The following SUSD4 variants were observed in gnomAD, a reference collection of about 807,000 sequenced individuals.
The protein encoded by SUSD4 is sushi domain containing 4.
In SUSD4, 41 loss-of-function variants were observed where a neutral mutation model predicts 50.5. The ratio of observed to expected loss-of-function variants is 0.81; its 90% confidence interval spans 0.63 to 1.05. SUSD4 has a LOEUF of 1.05. Ranked by LOEUF, SUSD4 falls within the 50% of genes least tolerant of loss-of-function variation. The pLI is 0.00. For missense variants in SUSD4, 580 were observed against 634.7 expected (o/e 0.91, Z 0.93); for synonymous variants, 257 against 257.3 (o/e 1.00, Z 0.01).
In SUSD4 at chr1:223,344,278, A is replaced by T. The variant is rs1316423749; in HGVS notation, c.148+19000T>A. Among the ~76,000 whole-genome samples the T allele has an allele frequency of 2.0e-5, 3 of 152,314 alleles. No individual in the cohort carries two copies. In the East Asian group the frequency reaches 5.8e-4, roughly 29 times the overall value. Reference sequence around the variant, plus strand: ...GTGTTTGGCATACATGGTGTACAAGATAAGCAAGATCTAGGGAGGCAACAT... The same window carrying T: ...GTGTTTGGCATACATGGTGTACAAGTTAAGCAAGATCTAGGGAGGCAACAT... On this transcript the variant is annotated intron_variant, in intron 2 of 8. Coordinates refer to ENST00000366878, the MANE Select transcript of SUSD4 (RefSeq NM_017982.4).
At position 223,229,332 on chromosome 1, in the gene SUSD4, A is replaced by G; in HGVS notation, c.781T>C (p.Cys261Arg). ...ACAGTTCCGTGGTTGTAGCGCTCAC[A>G]AGGCCGCGGGTGGCAGACGAAATCT... ...HGDFVCHPRP[C>R]ERYNHGTVVE... The change falls in exon 6 of 9, where the codon TGT becomes CGT. Residue 261 changes from cysteine to arginine, a missense_variant. Cys to Arg is a radical substitution (Grantham distance 180). Transcript: ENST00000366878. The surrounding 1 kb of genome is among the most constrained non-coding windows in gnomAD (Gnocchi z 4.7). 1 of 1,609,758 alleles carries G rather than the reference A, an allele frequency of 6.2e-7. No individual in the cohort carries two copies. Among genetic ancestry groups the G allele is most frequent in the South Asian group, 1.1e-5 (1 of 90,950 alleles).
intron 2 of SUSD4, among the ~76,000 whole-genome samples, chr1:223,301,761 T>G (rs1233149823): frequency 6.6e-6 from 1 of 152,104 alleles, no homozygotes; most frequent in Non-Finnish European, 1.5e-5. Context: ...AAAGACAAAG[T>G]TTAGTCATCT....
At chr1:223,234,703 C>T (rs772339936) in intron 5 of SUSD4, among the ~76,000 whole-genome samples, 8 of 152,080 alleles carry the variant, frequency 5.3e-5, no homozygotes, top group Non-Finnish European at 1.0e-4. Flanking sequence ...TGGCTTCACC[C>T]GACGGACACC....
upstream of SUSD4, among the ~76,000 whole-genome samples, chr1:223,364,386 G>T (rs1236738794): frequency 6.8e-6 from 1 of 147,548 alleles, no homozygotes; most frequent in African/African-American, 2.4e-5. The surrounding 1 kb of genome is among the most constrained non-coding windows in gnomAD (Gnocchi z 4.5). Flanking sequence ...GCGGGGACGG[G>T]GCGAGGGGTG....
At chr1:223,358,060 CAAT>C (rs1360076592) in intron 2 of SUSD4, among the ~76,000 whole-genome samples, 3 of 152,274 alleles carry the variant, frequency 2.0e-5, no homozygotes, top group East Asian at 3.9e-4. Context: ...TCATCAGAAT[CAAT>C]AAATAACACT....
intron 6 of SUSD4, among the ~76,000 whole-genome samples, chr1:223,228,524 G>T (rs1162656836): frequency 6.6e-6 from 1 of 152,230 alleles, no homozygotes; most frequent in African/African-American, 2.4e-5. Flanking sequence ...GTGGGTGTGT[G>T]CTGGTGCCCC....
intron 2 of SUSD4, among the ~76,000 whole-genome samples, chr1:223,309,006 C>G (rs1268733895): frequency 6.6e-6 from 1 of 152,176 alleles, no homozygotes; most frequent in Non-Finnish European, 1.5e-5. Flanking sequence ...TCCAAAAAGA[C>G]TTGTATAGAG....
intron 5 of SUSD4, among the ~76,000 whole-genome samples, chr1:223,254,147 T>A (rs1356656034): frequency 6.6e-6 from 1 of 152,134 alleles, no homozygotes. Context: ...GTGAGAACCA[T>A]GGATGGGGGC....
intron 2 of SUSD4, among the ~76,000 whole-genome samples, chr1:223,304,688 G>A (rs1177622804): frequency 1.3e-5 from 2 of 149,864 alleles, no homozygotes; most frequent in African/African-American, 4.9e-5. Context: ...GGTGCTTATA[G>A]GCACAGGTTG....
intron 2 of SUSD4, among the ~76,000 whole-genome samples, chr1:223,340,183 C>T (rs1317826484): frequency 2.0e-5 from 3 of 152,218 alleles, no homozygotes; most frequent in Non-Finnish European, 4.4e-5. Context: ...AGCAGAATAA[C>T]ACCCAGAAGT....
intron 5 of SUSD4, among the ~76,000 whole-genome samples, chr1:223,252,498 G>T (rs1391231697): frequency 1.3e-5 from 2 of 151,970 alleles, no homozygotes; most frequent in East Asian, 3.9e-4. Context: ...CAGAATGGTA[G>T]GCAAAGGTCC....
chr1:223,360,930 A>G (rs1188219182), intron 2 of SUSD4, among the ~76,000 whole-genome samples: 1 of 152,234 alleles, frequency 6.6e-6, no homozygotes, highest in Non-Finnish European at 1.5e-5. Context: ...ATGATGGCAG[A>G]AAGTCTGGAG....
intron 5 of SUSD4, chr1:223,234,941 G>A (rs367937525): frequency 1.3e-4 from 203 of 1,568,436 alleles, no homozygotes; most frequent in Admixed American, 2.8e-4. Flanking sequence ...TTTATTGCAG[G>A]AGAACAACAT....
chr1:223,347,023 CT>C (rs1267440516), intron 2 of SUSD4, among the ~76,000 whole-genome samples: 9 of 151,560 alleles, frequency 5.9e-5, no homozygotes, highest in South Asian at 4.2e-4. Flanking sequence ...TAAGCTCCTA[CT>C]TTTTTTTTCT....
intron 7 of SUSD4, among the ~76,000 whole-genome samples, chr1:223,225,708 G>C (rs1659473544): frequency 6.6e-6 from 1 of 152,108 alleles, no homozygotes; most frequent in African/African-American, 2.4e-5. Flanking sequence ...ATGTTGTCTA[G>C]GCCAGGGTGA....
At chr1:223,249,269 A>C (rs1661146620) in intron 5 of SUSD4, among the ~76,000 whole-genome samples, 1 of 152,220 alleles carries the variant, frequency 6.6e-6, no homozygotes, top group Admixed American at 6.5e-5. Context: ...CGTGTGTCCC[A>C]CCATGTAACC....
rs752711972 is a variant in SUSD4 at position 223,332,766 on chromosome 1, C to T, written c.148+30512G>A. On this transcript the variant is annotated intron_variant, in intron 2 of 8. Coordinates refer to ENST00000366878, the MANE Select transcript of SUSD4 (RefSeq NM_017982.4). The surrounding 1 kb of genome is among the most constrained non-coding windows in gnomAD (Gnocchi z 4.0). The stretch of plus-strand genomic sequence containing the variant: ...AGGGGTAAAACTTCCTGCTGAGGCT[C>T]GGAGGTCTAAGGTTTGCTCCTTCTC... 2.6e-5 allele frequency among the ~76,000 whole-genome samples: 4 copies of T among 152,130 alleles called. No homozygotes were observed. The highest frequency in any genetic ancestry group is 1.9e-4 in the East Asian group (1 of 5,192).
chr1:223,229,173 C>T lies in SUSD4; in HGVS notation c.916+24G>A, dbSNP rs1659725991. ...TGGTCCAAGGAGGGTCCATCTCCTC[C>T]AAGGGTGAGGCCTTCAGTCTTACCT... On this transcript the variant is annotated intron_variant, in intron 6 of 8. Transcript: ENST00000366878. The surrounding 1 kb of genome is among the most constrained non-coding windows in gnomAD (Gnocchi z 4.7). 4 of 1,582,514 alleles carry T rather than the reference C, an allele frequency of 2.5e-6. No individual in the cohort carries two copies.
At chr1:223,264,527 G>T (rs1258946823) in intron 5 of SUSD4, 103 bp downstream of exon 5, 29 of 1,516,420 alleles carry the variant, frequency 1.9e-5, no homozygotes, top group Non-Finnish European at 2.6e-5. Context: ...ATTCAGAGAA[G>T]AAAAGTTATT....
Sources: gnomAD v4.1 joint callset for allele counts (sites outside exome capture counted in the v4.1 genomes callset) on GRCh38, gnomAD v4.1.1 for gene constraint, Gnocchi (gnomAD v3.1) non-coding constraint, MANE v1.5 for transcripts, NCBI Gene and HGNC (gene_info 2026-07-23, HGNC 2026-07-21) for gene names.